The following SART3 variants were observed in gnomAD, a reference collection of about 807,000 sequenced individuals.
SART3 encodes the protein HIV-1 Tat-interacting protein of 110kDa.
A neutral mutation model predicts 122.3 loss-of-function variants in SART3; 44 were observed. The ratio of observed to expected loss-of-function variants is 0.36; its 90% CI spans 0.28 to 0.46. The LOEUF (loss-of-function observed/expected upper bound fraction) is 0.46, where lower values mean the gene tolerates loss of function less well. SART3 is among the 20% of genes least tolerant of loss of function. The probability of loss-of-function intolerance (pLI) is 1.00; values close to 1 mark genes in which losing one functional copy is unlikely to be tolerated. For missense variants in SART3, 1,101 were observed against 1,229.0 expected (o/e 0.90, Z 1.56); for synonymous variants, 442 against 454.0 (o/e 0.97, Z 0.34).
intron 17 of SART3, among the ~76,000 whole-genome samples, chr12:108,525,055 G>A (rs769286350): frequency 6.6e-5 from 10 of 152,202 alleles, no homozygotes; most frequent in Non-Finnish European, 1.2e-4. Flanking sequence ...GACAGGAGAA[G>A]AGGCACTGCA....
chr12:108,525,862 C>T, intron 16 of SART3: 1 of 619,446 alleles, frequency 1.6e-6, no homozygotes, highest in Non-Finnish European at 2.8e-6. Context: ...AATGAGCTGA[C>T]ACACATAAAG....
rs1263411901 is a variant in SART3 at position 108,524,238 on chromosome 12, C to T, written c.2714+78G>A. 1.1e-5 allele frequency: 13 copies of T among 1,217,528 alleles called. No homozygotes were observed. The East Asian group carries it at 1.9e-4, about 17-fold the overall frequency. 75.4% of individuals were successfully genotyped at this position (1,217,528 alleles called of 1,614,324 possible). A position where few individuals can be genotyped will look rare whatever the true frequency, so the allele number is the denominator to read the frequency against. On this transcript the variant is annotated intron_variant, in intron 18 of 18. Coordinates refer to ENST00000546815, the MANE Select transcript of SART3 (RefSeq NM_014706.4). ...GTCCTAACAGGAAGCTAATTCATCC[C>T]GGGTTAATCCCCCCGTGATCCATGA...
chr12:108,560,714 C>G, intron 1 of SART3, 129 bp downstream of exon 1: 1 of 730,394 alleles, frequency 1.4e-6, no homozygotes, highest in Non-Finnish European at 2.2e-6. Flanking sequence ...ACAGGAGCTA[C>G]TGTCACGAAA....
intron 1 of SART3, among the ~76,000 whole-genome samples, chr12:108,553,248 T>G (rs975185254): frequency 6.6e-6 from 1 of 152,148 alleles, no homozygotes; most frequent in Admixed American, 6.5e-5. Flanking sequence ...GAGAAAAATT[T>G]CAAGGCAACA....
intron 9 of SART3, 142 bp downstream of exon 9, chr12:108,537,346 A>G: frequency 4.4e-6 from 3 of 687,854 alleles, no homozygotes. Context: ...AGAAATTGCT[A>G]AGATTTCTGG....
In SART3 at chr12:108,530,190, G is replaced by A. The variant is rs61936007; in HGVS notation, c.1867C>T (p.Arg623Cys). ...TTCTCATCATCCTCATCTGCTCCGC[G>A]CTTCTCTGGGCCTCTGATCTTTTTC... ...KKKKIRGPEKRGADEDDEKEW... is the reference protein window; with the variant it reads ...KKKKIRGPEKCGADEDDEKEW... Residue 623 changes from arginine to cysteine, a missense_variant, in exon 15 of 19, where the codon CGC becomes TGC. Around this residue, in one of 2 missense-constraint regions of SART3, gnomAD observed 885 missense variants for 1,080.1 expected, o/e 0.82. Transcript: ENST00000546815. The A allele has an allele frequency of 1.4e-4, 219 of 1,613,944 alleles. No individual in the cohort carries two copies. Among genetic ancestry groups the A allele is most frequent in the Admixed American group, 1.7e-4 (10 of 59,988 alleles).
chr12:108,523,475 C>A lies in SART3; in HGVS notation c.2874G>T (p.Lys958Asn). Reference protein sequence around the residue: ...APKMSNADFAKLFLRK With the variant: ...APKMSNADFANLFLRK Reference sequence around the variant, plus strand: ...GTCCCGTTCACTTTCTCAGAAACAGCTTGGCAAAATCGGCATTGGACATCT... The same window carrying A: ...GTCCCGTTCACTTTCTCAGAAACAGATTGGCAAAATCGGCATTGGACATCT... Residue 958 changes from lysine to asparagine, a missense_variant, in exon 19 of 19, where the codon AAG becomes AAT. Transcript: ENST00000546815. The A allele has an allele frequency of 6.2e-7, 1 of 1,612,652 alleles. No individual in the cohort carries two copies. Among genetic ancestry groups the A allele is most frequent in the Non-Finnish European group, 8.5e-7 (1 of 1,180,004 alleles).
In SART3 at chr12:108,523,645, A is replaced by G. The variant is rs1178013315; in HGVS notation, c.2715-11T>C. ...CTTCCCTTCCCCCTCCTAAAAGAGC[A>G]AACACTGAATGGACCTTTTGAAGCA... On this transcript the variant is annotated splice_polypyrimidine_tract_variant and intron_variant, in intron 18 of 18. Transcript: ENST00000546815. 6.2e-7 allele frequency: 1 copy of G among 1,613,484 alleles called. No individual in the cohort carries two copies. Among genetic ancestry groups the G allele is most frequent in the South Asian group, 1.1e-5 (1 of 91,066 alleles).
At chr12:108,537,294 TA>T in intron 9 of SART3, 193 bp downstream of exon 9, 1 of 582,718 alleles carries the variant, frequency 1.7e-6, no homozygotes, top group Non-Finnish European at 3.1e-6. Context: ...TATAAACGAT[TA>T]CTCTCTTGCT....
chr12:108,542,899 T>C (rs1347800803), intron 6 of SART3, 129 bp downstream of exon 6: 1 of 1,236,474 alleles, frequency 8.1e-7, no homozygotes, highest in Admixed American at 1.7e-5. Context: ...GTATGTAAAC[T>C]GTACGTATAC....
intron 15 of SART3, among the ~76,000 whole-genome samples, chr12:108,529,497 A>T (rs1039999395): frequency 6.6e-6 from 1 of 152,232 alleles, no homozygotes. Flanking sequence ...TAAGGAAATG[A>T]TCAAAGAACA....
At chr12:108,534,309 C>A (rs1741842568) in intron 12 of SART3, among the ~76,000 whole-genome samples, 1 of 151,500 alleles carries the variant, frequency 6.6e-6, no homozygotes, top group African/African-American at 2.4e-5. Context: ...ATCCTGAGAC[C>A]AAAAAAATTG....
rs767015204 is a variant in SART3, at chr12:108,560,825, G to C, written c.312+18C>G. On this transcript the variant is annotated intron_variant, in intron 1 of 18. Coordinates refer to ENST00000546815, the MANE Select transcript of SART3 (RefSeq NM_014706.4). ...CCTGAAAGACTGGAAGATGCCCGCT[G>C]CCCACCCCCGGGCCCACCTGCTCCT... 6.4e-7 allele frequency: 1 copy of C among 1,571,760 alleles called. No homozygotes were observed. The highest frequency in any genetic ancestry group is 1.3e-5 in the African/African-American group (1 of 74,116).
chr12:108,525,334 A>C, intron 17 of SART3, 123 bp downstream of exon 17: 1 of 990,024 alleles, frequency 1.0e-6, no homozygotes, highest in Non-Finnish European at 1.6e-6. Flanking sequence ...CTGTGAAATT[A>C]ACTTTTGTTT....
At chr12:108,529,717 C>T (rs1872562607) in intron 15 of SART3, among the ~76,000 whole-genome samples, 2 of 151,952 alleles carry the variant, frequency 1.3e-5, no homozygotes, top group Admixed American at 1.3e-4. Flanking sequence ...GAGTGGAATC[C>T]AATGCTTAGG....
intron 6 of SART3, 48 bp from the exon 7 acceptor site, chr12:108,539,137 C>G (rs780984749): frequency 6.2e-7 from 1 of 1,607,596 alleles, no homozygotes; most frequent in South Asian, 1.1e-5. Context: ...GCAGGAAGCA[C>G]AACACATCTG....
chr12:108,530,293 T>G lies in SART3; in HGVS notation c.1764A>C (p.Ala588=), dbSNP rs543774350. 3 of 1,614,134 alleles carry G rather than the reference T, an allele frequency of 1.9e-6. No homozygotes were observed. Among genetic ancestry groups the G allele is most frequent in the Non-Finnish European group, 2.5e-6 (3 of 1,180,044 alleles). The change falls in exon 15 of 19, where the codon GCA becomes GCC. Residue 588 remains alanine, a synonymous_variant. Coordinates refer to ENST00000546815, the MANE Select transcript of SART3 (RefSeq NM_014706.4). ...EQRMKAAEKE[A]ALVQQEEEKA... ...TTTCTTCTTCTTGCTGCACAAGGGC[T>G]GCTTCCTTCTCTGCAGCCTAGAAAA...
intron 14 of SART3, 93 bp downstream of exon 14, chr12:108,531,111 G>A: frequency 1.1e-6 from 1 of 939,470 alleles, no homozygotes; most frequent in East Asian, 2.4e-5. Context: ...AAGACACTTA[G>A]GAAAATGTAA....
At chr12:108,558,126 A>G (rs2030311779) in intron 1 of SART3, among the ~76,000 whole-genome samples, 1 of 152,092 alleles carries the variant, frequency 6.6e-6, no homozygotes, top group South Asian at 2.1e-4. Context: ...CCATGATCAC[A>G]CCACTACTCC....
Sources: allele counts gnomAD v4.1 joint callset (sites outside exome capture counted in the v4.1 genomes callset), GRCh38; gene constraint gnomAD v4.1.1; regional missense constraint gnomAD v4.1.1; transcripts MANE v1.5; gene names NCBI Gene and HGNC (gene_info 2026-07-23, HGNC 2026-07-21).